Variants in PHLPP1 observed in about 807,000 individuals in gnomAD.
PHLPP1 encodes the protein PH domain leucine-rich repeat-containing protein phosphatase 1.
In PHLPP1, 42 loss-of-function variants were observed where a neutral mutation model predicts 117.2. The ratio of observed to expected loss-of-function variants is 0.36; its 90% CI spans 0.28 to 0.46. PHLPP1 has a LOEUF of 0.46. Ranked by LOEUF, PHLPP1 falls within the 20% of genes least tolerant of loss-of-function variation. PHLPP1 has a pLI of 1.00. For synonymous variants in PHLPP1, 1,042 were observed against 970.7 expected (o/e 1.07, Z -1.37); for missense variants, 2,084 against 2,241.9 (o/e 0.93, Z 1.42).
At chr18:62,935,389 A>G (rs1238025036) in intron 10 of PHLPP1, among the ~76,000 whole-genome samples, 1 of 152,226 alleles carries the variant, frequency 6.6e-6, no homozygotes, top group African/African-American at 2.4e-5. Flanking sequence ...CAAATGAAAC[A>G]ATATTCCTTG....
intron 1 of PHLPP1, among the ~76,000 whole-genome samples, chr18:62,749,949 G>A (rs1429008704): frequency 1.3e-5 from 2 of 152,164 alleles, no homozygotes; most frequent in Non-Finnish European, 2.9e-5. Context: ...CCCGGAGGCG[G>A]AGATTGCAGT....
chr18:62,945,385 C>A, intron 12 of PHLPP1, 114 bp downstream of exon 12: 1 of 795,324 alleles, frequency 1.3e-6, no homozygotes, highest in Non-Finnish European at 1.9e-6. Context: ...GAATGAAGGC[C>A]CCCATTAGCC....
intron 10 of PHLPP1, among the ~76,000 whole-genome samples, chr18:62,931,630 C>T (rs1909810973): frequency 1.3e-5 from 2 of 150,708 alleles, no homozygotes; most frequent in East Asian, 1.9e-4. Context: ...CACGGTGGCT[C>T]ATGCCTGTAA....
chr18:62,797,135 T>A (rs573056735), intron 1 of PHLPP1, among the ~76,000 whole-genome samples: 1 of 152,336 alleles, frequency 6.6e-6, no homozygotes, highest in African/African-American at 2.4e-5. Context: ...ATAAATCAAG[T>A]GCATACCTTC....
chr18:62,848,814 C>T (rs552683374), intron 3 of PHLPP1, among the ~76,000 whole-genome samples: 2 of 152,124 alleles, frequency 1.3e-5, no homozygotes, highest in Admixed American at 1.3e-4. Flanking sequence ...TATTATTATC[C>T]CCATTTTGCA....
intron 6 of PHLPP1, among the ~76,000 whole-genome samples, chr18:62,896,583 CCA>C: frequency 2.0e-5 from 3 of 152,088 alleles, no homozygotes; most frequent in African/African-American, 4.8e-5. Flanking sequence ...GCATGAGCCA[CCA>C]TGCCCGTCCT....
chr18:62,815,775 T>C (rs1914254795), intron 1 of PHLPP1, among the ~76,000 whole-genome samples: 1 of 152,242 alleles, frequency 6.6e-6, no homozygotes, highest in Non-Finnish European at 1.5e-5. Context: ...GTGCTCTCTT[T>C]TGAAGGAAAG....
At chr18:62,962,695 G>A (rs761802069) in intron 13 of PHLPP1, among the ~76,000 whole-genome samples, 10 of 152,292 alleles carry the variant, frequency 6.6e-5, no homozygotes, top group Middle Eastern at 3.4e-3. Flanking sequence ...TGGCATATGA[G>A]GGCTGAGGAG....
intron 1 of PHLPP1, among the ~76,000 whole-genome samples, chr18:62,801,492 G>A (rs1913782080): frequency 1.3e-5 from 2 of 150,816 alleles, no homozygotes; most frequent in South Asian, 2.1e-4. Context: ...TCCGTCCGTC[G>A]CCCAGGCTGG....
intron 9 of PHLPP1, 145 bp from the exon 10 acceptor site, chr18:62,919,814 A>C (rs1909407338): frequency 3.1e-6 from 2 of 645,652 alleles, no homozygotes; most frequent in Non-Finnish European, 2.7e-6. Flanking sequence ...GTATATAGAA[A>C]GTATTGAAAC....
rs1235640537 is a variant in PHLPP1, at chr18:62,730,755, G to T, written c.1576+13496G>T. On this transcript the variant is annotated intron_variant, in intron 1 of 16. Coordinates refer to ENST00000262719, the MANE Select transcript of PHLPP1 (RefSeq NM_194449.4). ...TGCAGTGAGCCGAGATCGTGCCATTGCACTCTAGCCTGGGCAATGAGCAAA... is the reference window on the plus strand; with the variant it reads ...TGCAGTGAGCCGAGATCGTGCCATTTCACTCTAGCCTGGGCAATGAGCAAA... Among the ~76,000 whole-genome samples, 3 of 149,044 alleles carry T rather than the reference G, an allele frequency of 2.0e-5. 1 individual carries two copies. The South Asian group carries it at 6.3e-4, about 31-fold the overall frequency.
At chr18:62,965,527 T>G (rs1234137043) in intron 14 of PHLPP1, among the ~76,000 whole-genome samples, 1 of 141,342 alleles carries the variant, frequency 7.1e-6, no homozygotes, top group African/African-American at 2.7e-5. Flanking sequence ...TGGCGCAATC[T>G]CGGCTCACTG....
chr18:62,905,536 G>T (rs1475529251), intron 8 of PHLPP1, among the ~76,000 whole-genome samples: 1 of 152,100 alleles, frequency 6.6e-6, no homozygotes, highest in Non-Finnish European at 1.5e-5. Context: ...TAAGTTGAGG[G>T]CCATATGGCT....
intron 14 of PHLPP1, among the ~76,000 whole-genome samples, chr18:62,970,570 A>G (rs560333094): frequency 2.0e-5 from 3 of 152,224 alleles, no homozygotes; most frequent in South Asian, 2.1e-4. Flanking sequence ...TATGAGACCA[A>G]CCTGGCCAAG....
chr18:62,944,215 C>T (rs1464106554), intron 11 of PHLPP1, among the ~76,000 whole-genome samples: 2 of 152,024 alleles, frequency 1.3e-5, no homozygotes, highest in Non-Finnish European at 2.9e-5. Flanking sequence ...CTAACATCAG[C>T]AGGAGTGGAA....
At chr18:62,941,609 A>G (rs1202712943) in intron 10 of PHLPP1, 109 bp from the exon 11 acceptor site, 6 of 741,858 alleles carry the variant, frequency 8.1e-6, no homozygotes, top group East Asian at 5.4e-5. Flanking sequence ...TGTCTTTTCA[A>G]TTCATGTTTC....
chr18:62,729,926 A>AT lies in PHLPP1; in HGVS notation c.1576+12669dup, dbSNP rs535176447. On this transcript the variant is annotated intron_variant, in intron 1 of 16. Transcript: ENST00000262719. ...AATTACTGTTTAGTGCTTTATAAAT[A>AT]TTAAGTGCTTTATAACTATTAATTT... Among the ~76,000 whole-genome samples the AT allele has an allele frequency of 2.0e-3, 305 of 152,354 alleles. 1 individual carries two copies. The Middle Eastern group carries it at 0.02, about 10-fold the overall frequency.
intron 1 of PHLPP1, among the ~76,000 whole-genome samples, chr18:62,748,438 G>A (rs1911744593): frequency 6.6e-6 from 1 of 151,984 alleles, no homozygotes; most frequent in Admixed American, 6.6e-5. Context: ...GTAGAGATGG[G>A]TTTTTGCCCT....
chr18:62,831,863 G>A (rs1345100773), intron 2 of PHLPP1, among the ~76,000 whole-genome samples: 3 of 152,144 alleles, frequency 2.0e-5, no homozygotes, highest in Non-Finnish European at 4.4e-5. Flanking sequence ...TCAAAAATAG[G>A]TTTTGGTCAG....
Sources: allele counts gnomAD v4.1 joint callset (sites outside exome capture counted in the v4.1 genomes callset), GRCh38; gene constraint gnomAD v4.1.1; transcripts MANE v1.5; gene names NCBI Gene and HGNC (gene_info 2026-07-23, HGNC 2026-07-21).